Variants in BMS1 observed in about 807,000 individuals in gnomAD.
BMS1 encodes ribosome biogenesis protein BMS1 homolog.
Under a neutral mutation model 138.7 loss-of-function variants are expected in BMS1, and 53 were observed. The observed-to-expected ratio is 0.38, with a 90% confidence interval of 0.31 to 0.48. The LOEUF (loss-of-function observed/expected upper bound fraction) is 0.48, where lower values mean the gene tolerates loss of function less well. Among genes scored for constraint, BMS1 ranks in the 20% least tolerant of loss-of-function variants. The pLI is 0.97. For missense variants in BMS1, 1,360 were observed against 1,565.5 expected (o/e 0.87, Z 2.22); for synonymous variants, 504 against 539.9 (o/e 0.93, Z 0.92).
intron 13 of BMS1, among the ~76,000 whole-genome samples, chr10:42,803,219 G>T (rs1291591884): frequency 6.6e-6 from 1 of 152,024 alleles, no homozygotes; most frequent in Admixed American, 6.5e-5. Context: ...TCCCAGGCTG[G>T]TCTCAAACTC....
At chr10:42,784,641 G>A (rs1489914367) in intron 2 of BMS1, 71 bp downstream of exon 2, 1 of 1,504,422 alleles carries the variant, frequency 6.6e-7, no homozygotes, top group Non-Finnish European at 8.9e-7. Context: ...TCTCACAGGT[G>A]ACATTTGGAT....
At chr10:42,791,567 G>T (rs1184340656) in intron 5 of BMS1, 60 bp from the exon 6 acceptor site, 4 of 1,461,502 alleles carry the variant, frequency 2.7e-6, no homozygotes, top group Non-Finnish European at 3.7e-6. Context: ...CTTTTATTTT[G>T]TTGCAGTATT....
At chr10:42,813,490 A>G (rs1842248336) in intron 13 of BMS1, among the ~76,000 whole-genome samples, 1 of 152,152 alleles carries the variant, frequency 6.6e-6, no homozygotes, top group African/African-American at 2.4e-5. Context: ...TTACCACTTC[A>G]AAGTGTGGAA....
Position 42,797,036 on chromosome 10 carries a change from T to A in BMS1, c.1792T>A (p.Ser598Thr). The change falls in exon 10 of 23, where the codon TCC becomes ACC. Residue 598 changes from serine (S) to threonine (T), a missense_variant. Transcript: ENST00000374518. ...FASEDESEES[S>T]SLSAEEEDSE... Reference sequence around the variant, plus strand: ...ATCTGAAGATGAATCTGAAGAAAGCTCCTCACTCAGTGCAGAGGAAGAAGA... The same window carrying A: ...ATCTGAAGATGAATCTGAAGAAAGCACCTCACTCAGTGCAGAGGAAGAAGA... 6.2e-7 allele frequency: 1 copy of A among 1,614,100 alleles called. No individual in the cohort carries two copies. Among genetic ancestry groups the A allele is most frequent in the Non-Finnish European group, 8.5e-7 (1 of 1,179,976 alleles).
rs558064008 is a variant in BMS1 at position 42,812,683 on chromosome 10, G to A, written c.2330-3916G>A. Among the ~76,000 whole-genome samples the A allele has an allele frequency of 2.9e-4, 44 of 152,304 alleles. 1 individual carries two copies. The highest frequency in any genetic ancestry group is 4.6e-4 in the Admixed American group (7 of 15,302). ...CTCAGAGGAGGACACTGCATGCCACGCAGGGTCAGATGGGCACCATACTCT... is the reference window on the plus strand; with the variant it reads ...CTCAGAGGAGGACACTGCATGCCACACAGGGTCAGATGGGCACCATACTCT... On this transcript the variant is annotated intron_variant, in intron 13 of 22. Coordinates refer to ENST00000374518, the MANE Select transcript of BMS1 (RefSeq NM_014753.4).
chr10:42,832,328 GGTA>G lies in BMS1; in HGVS notation c.*1234_*1236del, dbSNP rs773593815. ...TAGTTCCAGCTGCTTGGGAGGCTGAGGTAGGAGGATCACTTGAGCTTGGGAGGT... is the reference window on the plus strand; with the variant it reads ...TAGTTCCAGCTGCTTGGGAGGCTGAGGGAGGATCACTTGAGCTTGGGAGGT... On this transcript the variant is annotated 3_prime_UTR_variant, in exon 23 of 23. Coordinates refer to ENST00000374518, the MANE Select transcript of BMS1 (RefSeq NM_014753.4). The G allele has an allele frequency of 1.3e-5, 2 of 152,120 alleles. No individual in the cohort carries two copies. Among genetic ancestry groups the G allele is most frequent in the East Asian group, 1.9e-4 (1 of 5,170 alleles). 9.4% of individuals were successfully genotyped at this position (152,120 alleles called of 1,614,324 possible).
chr10:42,826,237 TTGTGTGTGTGTGTGTGTGTG>T (rs35886214), intron 21 of BMS1, among the ~76,000 whole-genome samples: 2 of 145,648 alleles, frequency 1.4e-5, no homozygotes, highest in Non-Finnish European at 3.0e-5. Context: ...TTTTTGTTTG[TTGTGTGTGTGTGTGTGTGTG>T]TGTGTGTGTG....
chr10:42,792,444 TA>T (rs1368736195), intron 6 of BMS1, 48 bp from the exon 7 acceptor site: 1 of 1,601,568 alleles, frequency 6.2e-7, no homozygotes. Flanking sequence ...AAAGGAGGTA[TA>T]GGAACTTTTG....
chr10:42,798,599 GC>G lies in BMS1; in HGVS notation c.2227del (p.His743MetfsTer5), dbSNP rs1841770961. On this transcript the variant is annotated frameshift_variant, in exon 12 of 23. Coordinates refer to ENST00000374518, the MANE Select transcript of BMS1 (RefSeq NM_014753.4). LOFTEE classifies it high-confidence loss of function. ...GGACTGCTCCAGATTTCTTGTGGAGGCCCCCCATGACTGGGATTTAGAGGAG... is the reference window on the plus strand; with the variant it reads ...GGACTGCTCCAGATTTCTTGTGGAGGCCCCCATGACTGGGATTTAGAGGAG... Reference protein sequence around the residue: ...SLDCSRFLVEAPHDWDLEEVM... With the variant: ...SLDCSRFLVEXPHDWDLEEVM... The G allele has an allele frequency of 6.2e-7, 1 of 1,614,066 alleles. No individual in the cohort carries two copies. The highest frequency in any genetic ancestry group is 1.3e-5 in the African/African-American group (1 of 74,930).
intron 12 of BMS1, among the ~76,000 whole-genome samples, chr10:42,801,740 C>T (rs1262004883): frequency 6.6e-6 from 1 of 152,160 alleles, no homozygotes; most frequent in Non-Finnish European, 1.5e-5. Flanking sequence ...ACATAATTTG[C>T]AGATATCTTC....
Position 42,797,098 on chromosome 10 carries a change from A to G in BMS1, c.1854A>G (p.Ser618=). ...AAGAGGCTATTAGAAAAAAGCTTTC[A>G]AAGCCTTCTCAAGTGAGCAGTGGTC... The part of the protein sequence containing the change: ...ENEEAIRKKL[S]KPSQVSSGQK... Residue 618 remains serine (S), a synonymous_variant, in exon 10 of 23, where the codon TCA becomes TCG. Transcript: ENST00000374518. 6.2e-7 allele frequency: 1 copy of G among 1,614,274 alleles called. No individual in the cohort carries two copies. The highest frequency in any genetic ancestry group is 8.5e-7 in the Non-Finnish European group (1 of 1,180,042).
chr10:42,786,832 G>A (rs1195220935), intron 3 of BMS1, among the ~76,000 whole-genome samples: 1 of 152,082 alleles, frequency 6.6e-6, no homozygotes, highest in Non-Finnish European at 1.5e-5. Context: ...GTGGGAATAC[G>A]GGAAGTTTTG....
At position 42,793,881 on chromosome 10, in the gene BMS1, C is replaced by T; in HGVS notation, c.1119C>T (p.Val373=). ...AAGTGGGGCCCACCCATGAGCTGGT[C>T]CAGAGTCTCATCTCTACCCACTCCA... ...QDEVGPTHEL[V]QSLISTHSTI... is the part of the protein sequence containing the mutation. Residue 373 remains valine (V), a synonymous_variant, in exon 9 of 23, where the codon GTC becomes GTT. Transcript: ENST00000374518. 6.2e-7 allele frequency: 1 copy of T among 1,611,700 alleles called. No individual in the cohort carries two copies. The highest frequency in any genetic ancestry group is 1.1e-5 in the South Asian group (1 of 90,946).
In BMS1 at chr10:42,788,814, G is replaced by A. The variant is rs369769407; in HGVS notation, c.448-1509G>A. Among the ~76,000 whole-genome samples the A allele has an allele frequency of 1.5e-4, 23 of 152,296 alleles. 1 individual carries two copies. In the East Asian group the frequency reaches 1.7e-3, roughly 11 times the overall value. On this transcript the variant is annotated intron_variant, in intron 4 of 22. Transcript: ENST00000374518. ...ATAACCGCTGGTCTCTCAGATCCCTGCAGAGCAGTATCCTTTTAGATACAT... is the reference window on the plus strand; with the variant it reads ...ATAACCGCTGGTCTCTCAGATCCCTACAGAGCAGTATCCTTTTAGATACAT...
Position 42,797,207 on chromosome 10 carries a change from A to G in BMS1, c.1963A>G (p.Asn655Asp). 1 of 1,604,494 alleles carries G rather than the reference A, an allele frequency of 6.2e-7. No homozygotes were observed. Among genetic ancestry groups the G allele is most frequent in the Non-Finnish European group, 8.5e-7 (1 of 1,175,982 alleles). Residue 655 changes from asparagine to aspartate, a missense_variant, in exon 10 of 23, where the codon AAT (asparagine) becomes GAT (aspartate). Around this residue, in one of 3 missense-constraint regions of BMS1, gnomAD observed 697 missense variants for 686.2 expected, o/e 1.02. Transcript: ENST00000374518. ...LKEEEDYKEE[N>D]NDSKETSGAL... ...AGAGGAAGAAGATTACAAGGAAGAA[A>G]ATAATGATTCCAAAGAAACGTCAGG...
At chr10:42,806,980 G>A (rs1349619374) in intron 13 of BMS1, among the ~76,000 whole-genome samples, 4 of 152,076 alleles carry the variant, frequency 2.6e-5, no homozygotes, top group Admixed American at 2.6e-4. Context: ...TCACAGCCTG[G>A]ATGCCAACAT....
intron 13 of BMS1, among the ~76,000 whole-genome samples, chr10:42,803,252 C>T (rs1340198320): frequency 6.6e-6 from 1 of 152,178 alleles, no homozygotes; most frequent in East Asian, 1.9e-4. Flanking sequence ...GATACTCCTG[C>T]CTCAGCCTCC....
At chr10:42,815,733 C>G (rs557267907) in intron 13 of BMS1, among the ~76,000 whole-genome samples, 4 of 152,142 alleles carry the variant, frequency 2.6e-5, no homozygotes, top group Non-Finnish European at 1.5e-5. Flanking sequence ...AGAGTGGGAA[C>G]TATAATTGAG....
At chr10:42,790,954 T>C (rs1371477656) in intron 5 of BMS1, among the ~76,000 whole-genome samples, 4 of 152,228 alleles carry the variant, frequency 2.6e-5, no homozygotes, top group African/African-American at 9.6e-5. Context: ...CCTGAATTCC[T>C]TTGTGTGTGT....
Sources: gnomAD v4.1 joint callset for allele counts (sites outside exome capture counted in the v4.1 genomes callset) on GRCh38, gnomAD v4.1.1 for gene constraint, gnomAD v4.1.1 regional missense constraint, MANE v1.5 for transcripts, NCBI Gene and HGNC (gene_info 2026-07-23, HGNC 2026-07-21) for gene names.